ZDHHC20: variants seen among roughly 807,000 people sequenced by gnomAD.
The protein encoded by ZDHHC20 is zDHHC palmitoyltransferase 20.
In ZDHHC20, 43 loss-of-function variants were observed where a neutral mutation model predicts 57.8. The ratio of observed to expected loss-of-function variants is 0.74; its 90% confidence interval spans 0.58 to 0.96. The LOEUF (loss-of-function observed/expected upper bound fraction) is 0.96. Ranked by LOEUF, ZDHHC20 falls within the 40% of genes least tolerant of loss-of-function variation. ZDHHC20 has a pLI of 0.00. For missense variants in ZDHHC20, 391 were observed against 441.1 expected, an observed-to-expected ratio of 0.89 and a Z score of 1.02; for synonymous variants, 157 against 153.0, an observed-to-expected ratio of 1.03 and a Z score of -0.19.
At chr13:21,435,397 T>A (rs1340726850) in intron 1 of ZDHHC20, among the ~76,000 whole-genome samples, 1 of 152,062 alleles carries the variant, frequency 6.6e-6, no homozygotes, top group Non-Finnish European at 1.5e-5. Context: ...GCAGGAAAAG[T>A]ATCAAACAAT....
At chr13:21,400,857 C>A (rs760234121) in intron 6 of ZDHHC20, among the ~76,000 whole-genome samples, 4 of 151,978 alleles carry the variant, frequency 2.6e-5, no homozygotes, top group Non-Finnish European at 4.4e-5. Flanking sequence ...ATTACAGGCG[C>A]CCAACACAAC....
chr13:21,382,785 A>C, intron 10 of ZDHHC20, 135 bp downstream of exon 10: 1 of 690,660 alleles, frequency 1.4e-6, no homozygotes, highest in Admixed American at 3.3e-5. Flanking sequence ...CAGTTAAAAA[A>C]ATTTAAATTT....
chr13:21,427,360 T>A (rs1043647388), intron 1 of ZDHHC20, among the ~76,000 whole-genome samples: 6 of 152,178 alleles, frequency 3.9e-5, no homozygotes, highest in East Asian at 1.9e-4. Context: ...TAGATGGGAT[T>A]TGAACTAAAA....
intron 1 of ZDHHC20, among the ~76,000 whole-genome samples, chr13:21,448,184 G>T (rs1398120286): frequency 9.9e-6 from 1 of 101,000 alleles, no homozygotes; most frequent in Non-Finnish European, 2.4e-5. Flanking sequence ...CCGTCCGGGA[G>T]GGAGGTGGGG....
chr13:21,402,916 T>A, intron 4 of ZDHHC20, 50 bp from the exon 5 acceptor site: 1 of 1,384,880 alleles, frequency 7.2e-7, no homozygotes, highest in Non-Finnish European at 1.0e-6. Flanking sequence ...CAAACTTAAC[T>A]AATTTGACAT....
intron 2 of ZDHHC20, among the ~76,000 whole-genome samples, chr13:21,422,319 TA>T (rs1485167774): frequency 6.6e-6 from 1 of 152,112 alleles, no homozygotes; most frequent in East Asian, 1.9e-4. Flanking sequence ...TTGTAAAAGC[TA>T]ACATGTATTC....
chr13:21,451,116 G>C (rs1157153014), intron 1 of ZDHHC20, among the ~76,000 whole-genome samples: 1 of 152,114 alleles, frequency 6.6e-6, no homozygotes, highest in Non-Finnish European at 1.5e-5. Context: ...GCCAACCACT[G>C]AGGATAAGAT....
Position 21,380,629 on chromosome 13 carries a change from T to C in ZDHHC20, c.1060+805A>G, listed in dbSNP as rs182667920. 7.8e-3 allele frequency among the ~76,000 whole-genome samples: 1,175 copies of C among 151,132 alleles called. 11 individuals are homozygous for C. Among genetic ancestry groups the C allele is most frequent in the Non-Finnish European group, 0.014 (927 of 67,672 alleles). On this transcript the variant is annotated intron_variant, in intron 11 of 12. Coordinates refer to ENST00000400590, the MANE Select transcript of ZDHHC20 (RefSeq NM_001330059.2). Reference sequence around the variant, plus strand: ...CAACATGGTGAAACCCCGTCTCTACTATAATACAAAAAATTAGCTGGGCAT... The same window carrying C: ...CAACATGGTGAAACCCCGTCTCTACCATAATACAAAAAATTAGCTGGGCAT...
intron 1 of ZDHHC20, among the ~76,000 whole-genome samples, chr13:21,431,875 TATTTTCTCCTAGGCC>T (rs1173568246): frequency 6.6e-6 from 1 of 152,222 alleles, no homozygotes; most frequent in Non-Finnish European, 1.5e-5. Flanking sequence ...TGTGTGCCAA[TATTTTCTCCTAGGCC>T]ATAACTTGCC....
intron 8 of ZDHHC20, among the ~76,000 whole-genome samples, chr13:21,388,249 G>A (rs1042805790): frequency 4.6e-5 from 7 of 152,084 alleles, no homozygotes; most frequent in African/African-American, 1.7e-4. Context: ...GAGGTCTGGA[G>A]AAAGATACAG....
intron 1 of ZDHHC20, among the ~76,000 whole-genome samples, chr13:21,432,118 A>AT (rs1882030903): frequency 2.0e-5 from 3 of 152,040 alleles, no homozygotes; most frequent in Admixed American, 2.0e-4. Flanking sequence ...ATCATTTCAT[A>AT]TTTTTTATTA....
chr13:21,454,674 C>G (rs1272806611), intron 1 of ZDHHC20, among the ~76,000 whole-genome samples: 1 of 152,072 alleles, frequency 6.6e-6, no homozygotes, highest in African/African-American at 2.4e-5. Flanking sequence ...AAATAGAAAA[C>G]TGGTTCTTTC....
chr13:21,390,891 C>T (rs1227078698), intron 8 of ZDHHC20, among the ~76,000 whole-genome samples: 1 of 148,532 alleles, frequency 6.7e-6, no homozygotes, highest in Non-Finnish European at 1.5e-5. Flanking sequence ...GAGTGAGACT[C>T]TGTCTCAAAA....
intron 1 of ZDHHC20, 134 bp downstream of exon 1, chr13:21,458,919 TC>T: frequency 1.7e-6 from 1 of 599,524 alleles, no homozygotes; most frequent in South Asian, 2.9e-5. Context: ...CCTCGGCGCT[TC>T]CGAGCGCGTT....
At chr13:21,396,339 C>T (rs1179700708) in intron 7 of ZDHHC20, among the ~76,000 whole-genome samples, 1 of 151,968 alleles carries the variant, frequency 6.6e-6, no homozygotes, top group African/African-American at 2.4e-5. Context: ...TTTTTAACTA[C>T]AATAATCCCT....
chr13:21,417,686 G>A (rs943949116), intron 3 of ZDHHC20, among the ~76,000 whole-genome samples: 14 of 152,094 alleles, frequency 9.2e-5, no homozygotes, highest in Admixed American at 7.2e-4. Context: ...TGATCCACCT[G>A]CCTCGGCCTC....
At chr13:21,403,754 C>T (rs1057137543) in intron 4 of ZDHHC20, among the ~76,000 whole-genome samples, 2 of 152,190 alleles carry the variant, frequency 1.3e-5, no homozygotes, top group African/African-American at 2.4e-5. Flanking sequence ...GTTGCACGAT[C>T]TCGGCTCACT....
intron 6 of ZDHHC20, among the ~76,000 whole-genome samples, 189 bp from the exon 7 acceptor site, chr13:21,400,682 T>A (rs574119262): frequency 6.6e-6 from 1 of 152,176 alleles, no homozygotes; most frequent in African/African-American, 2.4e-5. Context: ...TTGAACATAC[T>A]TAACACTACT....
At chr13:21,429,812 A>C (rs371893238) in intron 1 of ZDHHC20, among the ~76,000 whole-genome samples, 31 of 152,176 alleles carry the variant, frequency 2.0e-4, no homozygotes, top group African/African-American at 7.0e-4. Flanking sequence ...TCTTTTGTTC[A>C]GATTGGGTAA....
Sources: allele counts gnomAD v4.1 joint callset (sites outside exome capture counted in the v4.1 genomes callset), GRCh38; gene constraint gnomAD v4.1.1; transcripts MANE v1.5; gene names NCBI Gene and HGNC (gene_info 2026-07-23, HGNC 2026-07-21).